Variants in NEGR1 observed in about 807,000 individuals in gnomAD.
The protein encoded by NEGR1 is neuronal growth regulator 1, also known as IgLON family member 4.
NEGR1 carries 10 observed loss-of-function variants against 40.9 expected under a neutral mutation model. The observed-to-expected ratio is 0.24, with a 90% CI of 0.15 to 0.42. NEGR1 has a LOEUF of 0.42. Among genes scored for constraint, NEGR1 ranks in the 10% least tolerant of loss-of-function variants. The pLI is 1.00. For missense variants in NEGR1, 352 were observed against 438.9 expected, an observed-to-expected ratio of 0.80 and a Z score of 1.77; for synonymous variants, 185 against 166.8, an observed-to-expected ratio of 1.11 and a Z score of -0.84.
At chr1:71,574,691 A>G (rs1448726275) in intron 6 of NEGR1, among the ~76,000 whole-genome samples, 2 of 152,214 alleles carry the variant, frequency 1.3e-5, no homozygotes, top group African/African-American at 4.8e-5. Context: ...TACAGCACAT[A>G]TCAATAAATT....
At chr1:72,087,751 CTT>C (rs1194408394) in intron 1 of NEGR1, among the ~76,000 whole-genome samples, 30 of 95,054 alleles carry the variant, frequency 3.2e-4, no homozygotes, top group African/African-American at 4.4e-4. Context: ...TGCCACTGTG[CTT>C]TTTTTTTTTT....
chr1:71,826,471 A>T (rs1557667412), intron 2 of NEGR1, among the ~76,000 whole-genome samples: 1 of 151,938 alleles, frequency 6.6e-6, no homozygotes. Context: ...TTGTTTTACA[A>T]TCAGCTGCTG....
intron 1 of NEGR1, among the ~76,000 whole-genome samples, chr1:72,024,114 T>A (rs184801830): frequency 1.3e-5 from 2 of 152,282 alleles, no homozygotes; most frequent in East Asian, 3.9e-4. Context: ...TTGTTCAAAC[T>A]TAGATTAGAA....
intron 2 of NEGR1, among the ~76,000 whole-genome samples, chr1:71,810,726 A>T (rs1657971036): frequency 6.6e-6 from 1 of 152,088 alleles, no homozygotes; most frequent in African/African-American, 2.4e-5. Context: ...GTTGTTTAAA[A>T]GTGTGTAGCT....
intron 4 of NEGR1, among the ~76,000 whole-genome samples, chr1:71,628,609 C>G (rs546398532): frequency 6.6e-6 from 1 of 152,008 alleles, no homozygotes; most frequent in African/African-American, 2.4e-5. Flanking sequence ...ATTCCCCTCC[C>G]TTTGTCTATG....
chr1:71,855,511 T>C (rs1033515786), intron 2 of NEGR1, among the ~76,000 whole-genome samples: 1 of 152,074 alleles, frequency 6.6e-6, no homozygotes, highest in Non-Finnish European at 1.5e-5. Context: ...GACATGTATA[T>C]TGGCATTTGG....
intron 1 of NEGR1, among the ~76,000 whole-genome samples, chr1:72,216,402 CAT>C (rs56767155): frequency 0.057 from 6,764 of 119,484 alleles, 333 homozygotes; most frequent in African/African-American, 0.15. Context: ...TATATATATA[CAT>C]ATATATATAT....
In NEGR1 at chr1:71,988,733, C is replaced by T. The variant is rs181876777; in HGVS notation, c.177-53422G>A. ...GTTTTACAGTGGGACACACAGAAAA[C>T]ATGTCTATTATAAAGAACCACATGA... On this transcript the variant is annotated intron_variant, in intron 1 of 6. Transcript: ENST00000357731. Among the ~76,000 whole-genome samples the T allele has an allele frequency of 3.5e-3, 530 of 151,438 alleles. 9 individuals are homozygous for T. Among genetic ancestry groups the T allele is most frequent in the Non-Finnish European group, 8.0e-4 (54 of 67,822 alleles).
At chr1:71,666,507 T>C (rs1215093959) in intron 4 of NEGR1, among the ~76,000 whole-genome samples, 3 of 152,106 alleles carry the variant, frequency 2.0e-5, no homozygotes, top group African/African-American at 4.8e-5. Flanking sequence ...TTTATTTCAA[T>C]TGAGGTATAG....
intron 6 of NEGR1, among the ~76,000 whole-genome samples, chr1:71,414,333 C>T (rs1506457): frequency 0.58 from 88,550 of 151,962 alleles, 26,043 homozygotes; most frequent in African/African-American, 0.62. Flanking sequence ...CACCCCTTTC[C>T]CCATGAGCAG....
rs5775112 is a variant in NEGR1 at position 72,254,700 on chromosome 1, T to TA, written c.176+27618dup. ...CTGGGCAACACAGCGAGACTCTGTC[T>TA]AAAAAAAAAAAAAAAAAAAGCATTT... On this transcript the variant is annotated intron_variant, in intron 1 of 6. Transcript: ENST00000357731. Among the ~76,000 whole-genome samples, 938 of 106,514 alleles carry TA rather than the reference T, an allele frequency of 8.8e-3. 5 individuals are homozygous for TA. The highest frequency in any genetic ancestry group is 0.014 in the East Asian group (45 of 3,208). The allele number at this position is 106,514 out of a possible 152,430, so 69.9% of individuals were successfully genotyped here.
At chr1:71,925,068 G>A (rs545570588) in intron 2 of NEGR1, among the ~76,000 whole-genome samples, 1 of 152,008 alleles carries the variant, frequency 6.6e-6, no homozygotes, top group Non-Finnish European at 1.5e-5. Context: ...CACCATCCTG[G>A]TTGAGAGTCA....
At chr1:72,153,042 A>T (rs938889883) in intron 1 of NEGR1, among the ~76,000 whole-genome samples, 1 of 151,874 alleles carries the variant, frequency 6.6e-6, no homozygotes, top group Non-Finnish European at 1.5e-5. Flanking sequence ...TACCTTGGTA[A>T]TAGGATCCAT....
intron 6 of NEGR1, chr1:71,477,409 G>A (rs1042110756): frequency 6.6e-6 from 1 of 152,044 alleles, no homozygotes; most frequent in African/African-American, 2.4e-5. Context: ...TGCTTTTGGT[G>A]ACATTGCATT....
At chr1:72,003,291 C>T (rs1646573881) in intron 1 of NEGR1, among the ~76,000 whole-genome samples, 1 of 151,280 alleles carries the variant, frequency 6.6e-6, no homozygotes, top group Non-Finnish European at 1.5e-5. Flanking sequence ...ACTTTTACGG[C>T]TTTGTAAATA....
At chr1:72,195,110 T>C (rs1056429244) in intron 1 of NEGR1, among the ~76,000 whole-genome samples, 1 of 152,050 alleles carries the variant, frequency 6.6e-6, no homozygotes, top group African/African-American at 2.4e-5. Flanking sequence ...TAGCTCTACA[T>C]TCAATATCCA....
At chr1:72,237,230 G>A (rs2100508073) in intron 1 of NEGR1, among the ~76,000 whole-genome samples, 2 of 152,006 alleles carry the variant, frequency 1.3e-5, no homozygotes, top group East Asian at 3.9e-4. Context: ...TAAAATAGTG[G>A]AGTACCCTAC....
At chr1:71,503,811 C>A (rs1245772221) in intron 6 of NEGR1, among the ~76,000 whole-genome samples, 1 of 151,880 alleles carries the variant, frequency 6.6e-6, no homozygotes, top group Non-Finnish European at 1.5e-5. Context: ...CATAAATATC[C>A]TGTTCACAGG....
intron 3 of NEGR1, chr1:71,703,277 T>G (rs1570234453): frequency 6.6e-6 from 1 of 152,018 alleles, no homozygotes; most frequent in East Asian, 1.9e-4. Context: ...CTTTAAAGCT[T>G]AATAACAAGG....
Sources: allele counts gnomAD v4.1 joint callset (sites outside exome capture counted in the v4.1 genomes callset), GRCh38; gene constraint gnomAD v4.1.1; transcripts MANE v1.5; gene names NCBI Gene and HGNC (gene_info 2026-07-23, HGNC 2026-07-21).